GABRA5: variants seen among roughly 807,000 people sequenced by gnomAD.
The protein encoded by GABRA5 is gamma-aminobutyric acid type A receptor subunit alpha5.
In GABRA5, 18 loss-of-function variants were observed where a neutral mutation model predicts 47.3. That is an observed-to-expected ratio of 0.38 (90% confidence interval 0.26 to 0.56). The LOEUF is 0.56. Among genes scored for constraint, GABRA5 ranks in the 20% least tolerant of loss-of-function variants. GABRA5 has a pLI of 0.71. For synonymous variants in GABRA5, 237 were observed against 229.3 expected (o/e 1.03, Z -0.30); for missense variants, 365 against 599.3 (o/e 0.61, Z 4.08).
intron 6 of GABRA5, among the ~76,000 whole-genome samples, chr15:26,890,967 C>T (rs1024971999): frequency 6.6e-5 from 10 of 152,058 alleles, no homozygotes; most frequent in Non-Finnish European, 1.3e-4. Context: ...TAGGTTTCTG[C>T]CAATTTAATA....
chr15:26,902,611 T>C (rs914130320), intron 6 of GABRA5, among the ~76,000 whole-genome samples: 1 of 152,100 alleles, frequency 6.6e-6, no homozygotes, highest in African/African-American at 2.4e-5. Context: ...TCTTTTTTTC[T>C]TTAATCTATA....
chr15:26,878,515 C>A (rs1157585459), intron 3 of GABRA5, among the ~76,000 whole-genome samples: 5 of 150,488 alleles, frequency 3.3e-5, no homozygotes, highest in African/African-American at 1.2e-4. Context: ...AACAAACAAA[C>A]AAAAAAAAAC....
chr15:26,888,969 G>C (rs565299171), intron 6 of GABRA5, among the ~76,000 whole-genome samples: 1 of 152,346 alleles, frequency 6.6e-6, no homozygotes, highest in South Asian at 2.1e-4. Flanking sequence ...CCCGGCCGCT[G>C]CTCCACCCAA....
chr15:26,940,899 G>A (rs1411645566), intron 9 of GABRA5, among the ~76,000 whole-genome samples: 1 of 152,170 alleles, frequency 6.6e-6, no homozygotes, highest in Non-Finnish European at 1.5e-5. Context: ...GATACTAAAG[G>A]CAGTTTTGCC....
At chr15:26,887,003 A>G (rs1892895695) in intron 6 of GABRA5, among the ~76,000 whole-genome samples, 2 of 152,320 alleles carry the variant, frequency 1.3e-5, no homozygotes, top group South Asian at 4.1e-4. Context: ...CAAAGCACGA[A>G]TCACCCTGTG....
At chr15:26,886,600 G>A (rs1476378565) in intron 6 of GABRA5, among the ~76,000 whole-genome samples, 3 of 152,166 alleles carry the variant, frequency 2.0e-5, no homozygotes, top group African/African-American at 7.2e-5. Context: ...TAGTGAGGAG[G>A]TCACAGGAAT....
At chr15:26,881,031 G>T in intron 4 of GABRA5, 64 bp downstream of exon 4, 1 of 1,568,694 alleles carries the variant, frequency 6.4e-7, no homozygotes, top group Non-Finnish European at 8.6e-7. Context: ...CTCGTCTCAA[G>T]CTTGTGTTTG....
At chr15:26,903,363 G>A (rs919205358) in intron 6 of GABRA5, among the ~76,000 whole-genome samples, 15 of 152,054 alleles carry the variant, frequency 9.9e-5, no homozygotes, top group Non-Finnish European at 1.8e-4. Context: ...AACTTTGATG[G>A]GCATTTAGGT....
rs558184579 is a variant in GABRA5 at position 26,921,447 on chromosome 15, T to G, written c.580+6562T>G. Among the ~76,000 whole-genome samples, 4 of 152,290 alleles carry G rather than the reference T, an allele frequency of 2.6e-5. No individual in the cohort carries two copies. In the East Asian group the frequency reaches 7.7e-4, roughly 29 times the overall value. ...TTACTGTCTTGATGTCTGCAGTGTCTGTAGTGATATCTCTTATTTCTGACG... is the reference window on the plus strand; with the variant it reads ...TTACTGTCTTGATGTCTGCAGTGTCGGTAGTGATATCTCTTATTTCTGACG... On this transcript the variant is annotated intron_variant, in intron 7 of 10. Transcript: ENST00000335625.
rs74744328 is a variant in GABRA5, at chr15:26,889,679, C to T, written c.497+6122C>T. Among the ~76,000 whole-genome samples the T allele has an allele frequency of 2.5e-3, 388 of 152,294 alleles. 10 individuals are homozygous for T. In the East Asian group the frequency reaches 0.065, roughly 25 times the overall value. On this transcript the variant is annotated intron_variant, in intron 6 of 10. Coordinates refer to ENST00000335625, the MANE Select transcript of GABRA5 (RefSeq NM_000810.4). ...GTTCAAAGTGTCAAGTTCAAAGCTT[C>T]TTTCATGAAACCAGATGTATTGGCT...
intron 7 of GABRA5, among the ~76,000 whole-genome samples, chr15:26,935,054 G>T (rs571045874): frequency 2.0e-5 from 3 of 152,096 alleles, no homozygotes; most frequent in Admixed American, 2.0e-4. Flanking sequence ...CTCTTGTCCC[G>T]GCAAAAAGAT....
At chr15:26,916,964 T>C (rs1214665131) in intron 7 of GABRA5, among the ~76,000 whole-genome samples, 2 of 152,134 alleles carry the variant, frequency 1.3e-5, no homozygotes, top group Non-Finnish European at 2.9e-5. Flanking sequence ...TCTAAAAGTC[T>C]TTTGGTGGAG....
rs190352683 is a variant in GABRA5, at chr15:26,946,256, G to C, written c.1090-1678G>C. On this transcript the variant is annotated intron_variant, in intron 10 of 10. Transcript: ENST00000335625. ...TAATTAATGAGACTATATTACTTTA[G>C]TAGTGGAACACAGGTTGTCTAACAT... is the stretch of plus-strand genomic sequence containing the variant. Among the ~76,000 whole-genome samples, 4 of 152,044 alleles carry C rather than the reference G, an allele frequency of 2.6e-5. No homozygotes were observed. The East Asian group carries it at 7.7e-4, about 29-fold the overall frequency.
intron 9 of GABRA5, among the ~76,000 whole-genome samples, 193 bp downstream of exon 9, chr15:26,940,270 T>G (rs1025899601): frequency 3.3e-5 from 5 of 152,224 alleles, no homozygotes; most frequent in Non-Finnish European, 7.3e-5. Flanking sequence ...AAAGAAGGGT[T>G]TAAGGAATAT....
chr15:26,930,006 C>CTTTTTTTTTTTTTTTTTTTTTTTTTTT lies in GABRA5; in HGVS notation c.581-7163_581-7162insTTTTTTTTTTTTTTTTTTTTTTTTTTT, dbSNP rs72082419. ...CTTTCTTCTTCTTCTTCTTCTTCTT[C>CTTTTTTTTTTTTTTTTTTTTTTTTTTT]TTTTTTTTTTTTTTTTGTTTTTTGT... On this transcript the variant is annotated intron_variant, in intron 7 of 10. Transcript: ENST00000335625. 1.4e-4 allele frequency among the ~76,000 whole-genome samples: 16 copies of CTTTTTTTTTTTTTTTTTTTTTTTTTTT among 113,380 alleles called. No homozygotes were observed. The East Asian group carries it at 3.9e-3, about 28-fold the overall frequency. The allele number at this position is 113,380 out of a possible 152,430, so 74.4% of individuals were successfully genotyped here.
In GABRA5 at chr15:26,883,221, C is replaced by G. The variant is rs547815463; in HGVS notation, c.264C>G (p.Ser88=). ...ACGTCACCAGCTTCGGCCCGGTGTC[C>G]GACACGGAAATGGTAGGTCCCGGGG... ...DIYVTSFGPV[S]DTEMEYTIDV... Residue 88 remains serine (S), a synonymous_variant, in exon 5 of 11, where the codon TCC becomes TCG. Coordinates refer to ENST00000335625, the MANE Select transcript of GABRA5 (RefSeq NM_000810.4). The surrounding 1 kb of genome is among the most constrained non-coding windows in gnomAD (Gnocchi z 4.8). 34 of 1,613,726 alleles carry G rather than the reference C, an allele frequency of 2.1e-5. No individual in the cohort carries two copies. The Admixed American group carries it at 5.7e-4, about 27-fold the overall frequency.
intron 7 of GABRA5, among the ~76,000 whole-genome samples, chr15:26,929,994 CTTCTTCTTCTTCT>C (rs1255871817): frequency 1.5e-4 from 20 of 130,030 alleles, no homozygotes; most frequent in African/African-American, 5.6e-4. Flanking sequence ...TCTTCTTCTT[CTTCTTCTTCTTCT>C]TTTTTTTTTT....
chr15:26,892,655 C>T (rs144147519), intron 6 of GABRA5, among the ~76,000 whole-genome samples: 129,098 of 152,266 alleles, frequency 0.85, 55,139 homozygotes, highest in Non-Finnish European at 0.9. Flanking sequence ...TTGAAATTAG[C>T]TTTCTTCTCA....
chr15:26,935,668 C>T (rs529256310), intron 7 of GABRA5, among the ~76,000 whole-genome samples: 1 of 152,344 alleles, frequency 6.6e-6, no homozygotes, highest in East Asian at 1.9e-4. Flanking sequence ...TCACGAATCC[C>T]ATCGCGTCTC....
Sources: allele counts gnomAD v4.1 joint callset (sites outside exome capture counted in the v4.1 genomes callset), GRCh38; gene constraint gnomAD v4.1.1; non-coding constraint Gnocchi (gnomAD v3.1); transcripts MANE v1.5; gene names NCBI Gene and HGNC (gene_info 2026-07-23, HGNC 2026-07-21).